The following POSTN variants were observed in gnomAD, a reference collection of about 807,000 sequenced individuals.
POSTN encodes periostin, also known as osteoblast specific factor 2 (fasciclin I-like).
Under a neutral mutation model 104.5 loss-of-function variants are expected in POSTN, and 71 were observed. The ratio of observed to expected loss-of-function variants is 0.68; its 90% CI spans 0.56 to 0.83. The LOEUF is 0.83. Among genes scored for constraint, POSTN ranks in the 40% least tolerant of loss-of-function variants. The pLI is 0.00. For synonymous variants in POSTN, 355 were observed against 340.7 expected, an observed-to-expected ratio of 1.04 and a Z score of -0.46; for missense variants, 949 against 1,006.8, an observed-to-expected ratio of 0.94 and a Z score of 0.78.
intron 20 of POSTN, 64 bp from the exon 21 acceptor site, chr13:37,569,447 A>G (rs1950200390): frequency 7.9e-7 from 1 of 1,261,392 alleles, no homozygotes; most frequent in Admixed American, 1.7e-5. Flanking sequence ...AGCAGACTTT[A>G]TGTCATAAAT....
In POSTN at chr13:37,598,595, A is replaced by G. The variant is rs1024508489; in HGVS notation, c.119+13T>C. 1.0e-5 allele frequency: 16 copies of G among 1,602,874 alleles called. No homozygotes were observed. Among genetic ancestry groups the G allele is most frequent in the African/African-American group, 2.7e-5 (2 of 74,706 alleles). On this transcript the variant is annotated intron_variant, in intron 1 of 22. Transcript: ENST00000379747. ...AAAGAAAAATGGTTTATAAAACCAA[A>G]CCACTCACTTACCCTTGGTCCCGAC...
At chr13:37,578,231 A>G (rs1365243964) in intron 15 of POSTN, among the ~76,000 whole-genome samples, 2 of 152,202 alleles carry the variant, frequency 1.3e-5, no homozygotes, top group Non-Finnish European at 2.9e-5. Flanking sequence ...TTATTTTTCT[A>G]AATTGGACTG....
At position 37,571,347 on chromosome 13, in the gene POSTN, C is replaced by A. The variant is rs1008323543; in HGVS notation, c.2179+22G>T. The A allele has an allele frequency of 8.7e-6, 13 of 1,497,998 alleles. No individual in the cohort carries two copies. The South Asian group carries it at 1.5e-4, about 18-fold the overall frequency. The allele number at this position is 1,497,998 out of a possible 1,614,324, so 92.8% of individuals were successfully genotyped here. ...ATAATCACAGCGAAGGTAGTCGGCC[C>A]CAGGTAACATAAGGAACGCACCTCC... On this transcript the variant is annotated intron_variant, in intron 18 of 22. Transcript: ENST00000379747.
At chr13:37,579,497 G>C (rs543112756) in intron 12 of POSTN, 138 bp from the exon 13 acceptor site, 1 of 750,812 alleles carries the variant, frequency 1.3e-6, no homozygotes, top group Non-Finnish European at 2.1e-6. Context: ...AGTAGATATC[G>C]ATGCTATTTC....
Position 37,570,587 on chromosome 13 carries a change from G to T in POSTN, c.2262C>A (p.Ile754=), listed in dbSNP as rs1950235177. 4 of 1,592,160 alleles carry T rather than the reference G, an allele frequency of 2.5e-6. No individual in the cohort carries two copies. Among genetic ancestry groups the T allele is most frequent in the Non-Finnish European group, 3.4e-6 (4 of 1,160,928 alleles). Residue 754 remains isoleucine, a synonymous_variant, in exon 19 of 23, where the codon ATC becomes ATA. Transcript: ENST00000379747. ...TATGGAATTAATGGCTACCTGTAAT[G>T]ATTCGTTCTTCTCGTGTCTCTTTTT... ...ITEKETREER[I]ITGPEIKYTR...
At chr13:37,577,901 T>C in intron 15 of POSTN, 103 bp from the exon 16 acceptor site, 1 of 1,522,342 alleles carries the variant, frequency 6.6e-7, no homozygotes, top group Non-Finnish European at 8.8e-7. Context: ...AGTGAAGCTA[T>C]TATTACACTT....
At chr13:37,574,520 T>A in intron 17 of POSTN, 52 bp downstream of exon 17, 2 of 1,536,296 alleles carry the variant, frequency 1.3e-6, no homozygotes, top group Non-Finnish European at 1.7e-6. Context: ...AGATCAGTAT[T>A]TTTACAGATG....
At chr13:37,564,650 TTAAA>T in intron 21 of POSTN, 90 bp from the exon 22 acceptor site, 1 of 641,252 alleles carries the variant, frequency 1.6e-6, no homozygotes. Context: ...GTGTAAAGTC[TTAAA>T]TAAGTATCAC....
In POSTN at chr13:37,562,684, T is replaced by C. The variant is rs957968795; in HGVS notation, c.*649A>G. 3.3e-5 allele frequency: 5 copies of C among 152,210 alleles called. No individual in the cohort carries two copies. Among genetic ancestry groups the C allele is most frequent in the African/African-American group, 9.7e-5 (4 of 41,446 alleles). 9.4% of individuals were successfully genotyped at this position (152,210 alleles called of 1,614,324 possible). On this transcript the variant is annotated 3_prime_UTR_variant, in exon 23 of 23. Transcript: ENST00000379747. ...CTTTTTAACTTAAATCTTGAGTTTT[T>C]CTGAATTACTCAATTTGAAGTAATT...
At chr13:37,576,760 T>G (rs1418116860) in intron 16 of POSTN, among the ~76,000 whole-genome samples, 1 of 152,106 alleles carries the variant, frequency 6.6e-6, no homozygotes, top group African/African-American at 2.4e-5. Flanking sequence ...AATTAAATCT[T>G]TAATACAGTG....
intron 2 of POSTN, among the ~76,000 whole-genome samples, chr13:37,594,600 A>G (rs189710079): frequency 1.4e-4 from 21 of 152,282 alleles, no homozygotes; most frequent in African/African-American, 4.3e-4. Flanking sequence ...CTAACATTTC[A>G]TGAGATGCCA....
chr13:37,583,277 G>C (rs1950651098), intron 9 of POSTN, among the ~76,000 whole-genome samples: 2 of 151,828 alleles, frequency 1.3e-5, no homozygotes, highest in Non-Finnish European at 2.9e-5. Flanking sequence ...CACCCTTACT[G>C]TCCAAATTTT....
intron 18 of POSTN, chr13:37,571,013 T>C (rs926477749): frequency 3.4e-6 from 1 of 290,526 alleles, no homozygotes; most frequent in Non-Finnish European, 6.4e-6. Flanking sequence ...GAGTGGCTTA[T>C]TAGACAGAGA....
intron 3 of POSTN, 97 bp downstream of exon 3, chr13:37,592,003 G>C (rs569357435): frequency 6.9e-5 from 51 of 734,158 alleles, no homozygotes; most frequent in Admixed American, 2.7e-4. Context: ...TTAGGATGGT[G>C]CTGAATACAC....
chr13:37,583,339 A>G (rs937067045), intron 9 of POSTN, among the ~76,000 whole-genome samples: 14 of 152,318 alleles, frequency 9.2e-5, no homozygotes, highest in African/African-American at 3.4e-4. Flanking sequence ...TTGGTATCAA[A>G]TAAAGAAATC....
chr13:37,584,782 T>G lies in POSTN; in HGVS notation c.1042A>C (p.Lys348Gln). The G allele has an allele frequency of 1.2e-6, 2 of 1,613,984 alleles. No individual in the cohort carries two copies. The highest frequency in any genetic ancestry group is 1.1e-5 in the South Asian group (1 of 91,074). Reference sequence around the variant, plus strand: ...CCATTATTTGTCACAATATCCTTTTTGTTCACCATTTTGATTCCATTTACT... The same window carrying G: ...CCATTATTTGTCACAATATCCTTTTGGTTCACCATTTTGATTCCATTTACT... ...ITVNGIKMVNKKDIVTNNGVI... is the reference protein window; with the variant it reads ...ITVNGIKMVNQKDIVTNNGVI... The change falls in exon 8 of 23, where the codon AAA becomes CAA. Residue 348 changes from lysine (K) to glutamine (Q), a missense_variant. By Grantham distance (53) the Lys-to-Gln change is moderately conservative. Coordinates refer to ENST00000379747, the MANE Select transcript of POSTN (RefSeq NM_006475.3).
Position 37,597,296 on chromosome 13 carries a change from G to A in POSTN, c.120-14C>T. 3 of 1,540,082 alleles carry A rather than the reference G, an allele frequency of 1.9e-6. No individual in the cohort carries two copies. Among genetic ancestry groups the A allele is most frequent in the Admixed American group, 4.2e-5 (2 of 47,514 alleles). On this transcript the variant is annotated splice_polypyrimidine_tract_variant and intron_variant, in intron 1 of 22. Coordinates refer to ENST00000379747, the MANE Select transcript of POSTN (RefSeq NM_006475.3). ...CAGACATTTGGGCTGGAGGATAGAGGGAAAGGAAAAAAGTTAATGTCCTAA... is the reference window on the plus strand; with the variant it reads ...CAGACATTTGGGCTGGAGGATAGAGAGAAAGGAAAAAAGTTAATGTCCTAA...
chr13:37,579,148 G>A, intron 13 of POSTN, 27 bp from the exon 14 acceptor site: 1 of 1,604,778 alleles, frequency 6.2e-7, no homozygotes, highest in Non-Finnish European at 8.5e-7. Context: ...CAATTTCAAT[G>A]AGGAAATTTC....
At chr13:37,584,160 T>C in intron 8 of POSTN, 57 bp from the exon 9 acceptor site, 17 of 1,593,714 alleles carry the variant, frequency 1.1e-5, no homozygotes, top group Non-Finnish European at 1.5e-5. Context: ...ATCTCCATCA[T>C]GAAACTAGTA....
Sources: allele counts gnomAD v4.1 joint callset (sites outside exome capture counted in the v4.1 genomes callset), GRCh38; gene constraint gnomAD v4.1.1; transcripts MANE v1.5; gene names NCBI Gene and HGNC (gene_info 2026-07-23, HGNC 2026-07-21).